Variants in PPP2R5C observed in about 807,000 individuals in gnomAD.
PPP2R5C encodes protein phosphatase 2 regulatory subunit B'gamma.
In PPP2R5C, 7 loss-of-function variants were observed where a neutral mutation model predicts 68.9. The ratio of observed to expected loss-of-function variants is 0.10; its 90% CI spans 0.06 to 0.19. The LOEUF is 0.19. Among genes scored for constraint, PPP2R5C ranks in the 10% least tolerant of loss-of-function variants. The probability of loss-of-function intolerance (pLI) is 1.00; values close to 1 mark genes in which losing one functional copy is unlikely to be tolerated. For synonymous variants in PPP2R5C, 210 were observed against 222.2 expected (o/e 0.95, Z 0.49); for missense variants, 348 against 641.3 (o/e 0.54, Z 4.94).
chr14:101,927,908 T>C lies in PPP2R5C; in HGVS notation c.*2636T>C, dbSNP rs2047339052. The C allele has an allele frequency of 2.0e-5, 3 of 152,258 alleles. No homozygotes were observed. The South Asian group carries it at 6.2e-4, about 31-fold the overall frequency. The allele number at this position is 152,258 out of a possible 1,614,324, so 9.4% of individuals were successfully genotyped here. ...ATACACTTGCCATTTAATATGCTCTTTTATCTAATTTTCAAAAACTCTAAA... is the reference window on the plus strand; with the variant it reads ...ATACACTTGCCATTTAATATGCTCTCTTATCTAATTTTCAAAAACTCTAAA... On this transcript the variant is annotated 3_prime_UTR_variant, in exon 14 of 14. Coordinates refer to ENST00000334743, the Ensembl canonical transcript of PPP2R5C.
chr14:101,804,636 T>G (rs2039004050), intron 3 of PPP2R5C, among the ~76,000 whole-genome samples: 1 of 152,184 alleles, frequency 6.6e-6, no homozygotes, highest in Admixed American at 6.5e-5. Flanking sequence ...ACATCACATG[T>G]TCTCACATAT....
At chr14:101,872,180 A>T (rs2043460647) in intron 2 of PPP2R5C, among the ~76,000 whole-genome samples, 1 of 131,716 alleles carries the variant, frequency 7.6e-6, no homozygotes, top group Non-Finnish European at 1.6e-5. Flanking sequence ...GAATTCTTTT[A>T]GCTTTCGTGT....
At chr14:101,922,260 G>A (rs914578084) in intron 13 of PPP2R5C, 184 of 898,324 alleles carry the variant, frequency 2.0e-4, no homozygotes, top group Non-Finnish European at 5.6e-5. Flanking sequence ...AGGCCGAGGC[G>A]GGCAGATCAC....
chr14:101,768,245 T>C (rs1016702957), intron 2 of PPP2R5C, among the ~76,000 whole-genome samples: 2 of 152,200 alleles, frequency 1.3e-5, no homozygotes, highest in Non-Finnish European at 2.9e-5. Flanking sequence ...TTCCAAAATA[T>C]GTACATTTGC....
At position 101,890,655 on chromosome 14, in the gene PPP2R5C, T is replaced by C. The variant is rs61474766; in HGVS notation, c.689+359T>C. On this transcript the variant is annotated intron_variant, in intron 6 of 13. Transcript: ENST00000334743. ...AATAGATTGTACATTTGGGGTATCA[T>C]GTAAATGCTAATATTTTTAATTACT... Among the ~76,000 whole-genome samples, 988 of 152,306 alleles carry C rather than the reference T, an allele frequency of 6.5e-3. 9 individuals carry two copies. Among genetic ancestry groups the C allele is most frequent in the African/African-American group, 0.023 (948 of 41,574 alleles).
chr14:101,841,191 G>T (rs1419786434), intron 1 of PPP2R5C, among the ~76,000 whole-genome samples: 2 of 152,052 alleles, frequency 1.3e-5, no homozygotes, highest in African/African-American at 2.4e-5. Context: ...GGTGGAGTTG[G>T]GACTCCAGCT....
At chr14:101,778,449 C>G (rs2037525621) in intron 2 of PPP2R5C, among the ~76,000 whole-genome samples, 1 of 151,978 alleles carries the variant, frequency 6.6e-6, no homozygotes, top group Non-Finnish European at 1.5e-5. Context: ...TTGCTTGCAC[C>G]CTTGGTGTCA....
At chr14:101,925,383 C>G in exon 14 of PPP2R5C, 1 of 1,465,844 alleles carries the variant, frequency 6.8e-7, no homozygotes, top group East Asian at 2.5e-5. Context: ...TTTCTTGGAC[C>G]CCGTTCCGTA....
chr14:101,867,664 G>A (rs1422363195), intron 2 of PPP2R5C, among the ~76,000 whole-genome samples: 2 of 151,970 alleles, frequency 1.3e-5, no homozygotes, highest in African/African-American at 4.8e-5. Context: ...TGTAGTCCCA[G>A]CTACTCGGGA....
intron 1 of PPP2R5C, among the ~76,000 whole-genome samples, chr14:101,826,505 T>C (rs2040407140): frequency 6.6e-6 from 1 of 152,254 alleles, no homozygotes; most frequent in Admixed American, 6.5e-5. Flanking sequence ...TCTGTCCTTA[T>C]GTCTGTACCA....
In PPP2R5C at chr14:101,915,007, G is replaced by A. The variant is rs890840941; in HGVS notation, c.1326+2534G>A. Among the ~76,000 whole-genome samples the A allele has an allele frequency of 3.3e-5, 5 of 152,186 alleles. No homozygotes were observed. The highest frequency in any genetic ancestry group is 5.9e-5 in the Non-Finnish European group (4 of 68,026). ...TGGGACGGATGCCTGCCTTTCCTTC[G>A]AGAGAGGAGCTCATGTGCGGAATGC... On this transcript the variant is annotated intron_variant, in intron 12 of 13. Transcript: ENST00000334743. The surrounding 1 kb of genome is among the most constrained non-coding windows in gnomAD (Gnocchi z 4.2).
intron 2 of PPP2R5C, chr14:101,766,610 C>T (rs368083553): frequency 3.9e-5 from 6 of 152,180 alleles, no homozygotes; most frequent in African/African-American, 1.4e-4. Flanking sequence ...TGTTTCTTCT[C>T]TTTCAGATAG....
intron 3 of PPP2R5C, chr14:101,790,016 T>C (rs2038287259): frequency 6.6e-6 from 1 of 151,630 alleles, no homozygotes; most frequent in African/African-American, 2.4e-5. Context: ...GTTCATTTAT[T>C]CTTTTGACTG....
At chr14:101,918,296 G>T (rs1057040216) in intron 13 of PPP2R5C, among the ~76,000 whole-genome samples, 1 of 149,764 alleles carries the variant, frequency 6.7e-6, no homozygotes, top group South Asian at 2.1e-4. Flanking sequence ...CTTCTGCTTC[G>T]ACCCAGAGAG....
At position 101,825,976 on chromosome 14, in the gene PPP2R5C, G is replaced by A. The variant is rs2040374813; in HGVS notation, c.94+15940G>A. Among the ~76,000 whole-genome samples the A allele has an allele frequency of 6.6e-6, 1 of 152,156 alleles. No individual in the cohort carries two copies. The highest frequency in any genetic ancestry group is 2.1e-4 in the South Asian group (1 of 4,828). On this transcript the variant is annotated intron_variant, in intron 1 of 13. Coordinates refer to ENST00000334743, the Ensembl canonical transcript of PPP2R5C. This position sits in a 1 kb window ranked among gnomAD's most constrained non-coding sequence, Gnocchi z 4.0. Reference sequence around the variant, plus strand: ...TGACCAAGGATCGGTGAGAATAGGAGGTGGCCCAGAGGGCATGGTCAGATG... The same window carrying A: ...TGACCAAGGATCGGTGAGAATAGGAAGTGGCCCAGAGGGCATGGTCAGATG...
In PPP2R5C at chr14:101,892,703, A is replaced by G. The variant is rs577236661; in HGVS notation, c.690-297A>G. Among the ~76,000 whole-genome samples the G allele has an allele frequency of 3.3e-5, 5 of 152,252 alleles. No individual in the cohort carries two copies. In the South Asian group the frequency reaches 1.0e-3, roughly 32 times the overall value. ...AGGCTGTTGCAGGGACCGGAGCACT[A>G]TATGAAGTGTTCCACAGACCCCTAT... On this transcript the variant is annotated intron_variant, in intron 6 of 13. Transcript: ENST00000334743.
At position 101,825,843 on chromosome 14, in the gene PPP2R5C, G is replaced by A. The variant is rs546152678; in HGVS notation, c.94+15807G>A. 2.0e-5 allele frequency among the ~76,000 whole-genome samples: 3 copies of A among 152,258 alleles called. No homozygotes were observed. The highest frequency in any genetic ancestry group is 7.2e-5 in the African/African-American group (3 of 41,548). On this transcript the variant is annotated intron_variant, in intron 1 of 13. Coordinates refer to ENST00000334743, the Ensembl canonical transcript of PPP2R5C. The surrounding 1 kb of genome is among the most constrained non-coding windows in gnomAD (Gnocchi z 4.0). ...AAGGGAAATTTAAGAAGGAAGTTGG[G>A]GAAGGTAGGACCTCATGGCTTTGGT...
intron 11 of PPP2R5C, among the ~76,000 whole-genome samples, chr14:101,910,047 A>G (rs982735235): frequency 6.6e-6 from 1 of 152,204 alleles, no homozygotes; most frequent in African/African-American, 2.4e-5. Context: ...ATTATATCCT[A>G]TAAGGTTTAT....
chr14:101,839,883 C>T (rs1043497758), intron 1 of PPP2R5C, among the ~76,000 whole-genome samples: 1 of 151,910 alleles, frequency 6.6e-6, no homozygotes, highest in African/African-American at 2.4e-5. Flanking sequence ...GTGGTGCGCT[C>T]GTCCGCACAC....
Sources: allele counts gnomAD v4.1 joint callset (sites outside exome capture counted in the v4.1 genomes callset), GRCh38; gene constraint gnomAD v4.1.1; non-coding constraint Gnocchi (gnomAD v3.1); transcripts MANE v1.5; gene names NCBI Gene and HGNC (gene_info 2026-07-23, HGNC 2026-07-21).